TMPRSS13: variants seen among roughly 807,000 people sequenced by gnomAD.
TMPRSS13 encodes transmembrane protease serine 13.
A neutral mutation model predicts 68.4 loss-of-function variants in TMPRSS13; 50 were observed. The observed-to-expected ratio is 0.73, with a 90% CI of 0.58 to 0.93. The LOEUF (loss-of-function observed/expected upper bound fraction) is 0.93, where lower values mean the gene tolerates loss of function less well. Among genes scored for constraint, TMPRSS13 ranks in the 40% least tolerant of loss-of-function variants. TMPRSS13 has a pLI of 0.00. For synonymous variants in TMPRSS13, 267 were observed against 285.8 expected (o/e 0.93, Z 0.66); for missense variants, 615 against 729.2 (o/e 0.84, Z 1.80).
rs115478056 is a variant in TMPRSS13, at chr11:117,917,654, G to A, written c.452-380C>T. On this transcript the variant is annotated intron_variant, in intron 2 of 12. Transcript: ENST00000524993. ...AATCACTTGCCCAGGGTTACTTGGT[G>A]AGTTAGTGGCAGAGTAGGGATTCCA... 5.1e-3 allele frequency among the ~76,000 whole-genome samples: 780 copies of A among 152,302 alleles called. 5 individuals are homozygous for A. The highest frequency in any genetic ancestry group is 0.018 in the African/African-American group (753 of 41,556).
chr11:117,907,779 C>A, intron 9 of TMPRSS13: 3 of 984,230 alleles, frequency 3.0e-6, no homozygotes, highest in Non-Finnish European at 3.6e-6. Context: ...CCGAAAACAT[C>A]GTATAATTGG....
intron 12 of TMPRSS13, 33 bp downstream of exon 12, chr11:117,903,622 G>C: frequency 6.2e-7 from 1 of 1,613,800 alleles, no homozygotes; most frequent in Non-Finnish European, 8.5e-7. Context: ...TTCCCAGCCT[G>C]CTGGGTGCAG....
At chr11:117,909,054 A>G (rs1033122067) in intron 8 of TMPRSS13, among the ~76,000 whole-genome samples, 1 of 151,974 alleles carries the variant, frequency 6.6e-6, no homozygotes, top group South Asian at 2.1e-4. Flanking sequence ...CCCCCCCACT[A>G]TCTCCTCTGC....
intron 1 of TMPRSS13, among the ~76,000 whole-genome samples, chr11:117,924,158 A>G (rs1367497906): frequency 6.6e-6 from 1 of 151,854 alleles, no homozygotes; most frequent in East Asian, 1.9e-4. Context: ...AACCTAGGCA[A>G]CATAGCAAGA....
chr11:117,903,245 AAAAC>A, intron 12 of TMPRSS13: 3 of 1,316,290 alleles, frequency 2.3e-6, no homozygotes, highest in Non-Finnish European at 3.0e-6. Flanking sequence ...CAAAAAGACT[AAAAC>A]AAACAGAGCT....
chr11:117,902,387 AG>A, intron 12 of TMPRSS13, 122 bp from the exon 13 acceptor site: 1 of 1,054,842 alleles, frequency 9.5e-7, no homozygotes, highest in Non-Finnish European at 1.5e-6. Flanking sequence ...TGCCTCTCCA[AG>A]GAGGGAGAGC....
At chr11:117,904,571 C>G in intron 10 of TMPRSS13, among the ~76,000 whole-genome samples, 1 of 152,066 alleles carries the variant, frequency 6.6e-6, no homozygotes, top group East Asian at 1.9e-4. Context: ...GAGAAGTAGG[C>G]TGCACCCACA....
intron 9 of TMPRSS13, among the ~76,000 whole-genome samples, chr11:117,907,047 C>G (rs147192587): frequency 6.6e-6 from 1 of 151,954 alleles, no homozygotes; most frequent in Non-Finnish European, 1.5e-5. Flanking sequence ...GAAAAGCATA[C>G]GCAATGTGAG....
At chr11:117,908,847 G>A (rs2134884987) in intron 8 of TMPRSS13, 63 bp from the exon 9 acceptor site, 1 of 1,477,810 alleles carries the variant, frequency 6.8e-7, no homozygotes, top group Non-Finnish European at 9.1e-7. Context: ...GGCAGCCCCT[G>A]CTACCTACAG....
chr11:117,925,351 A>T (rs2057695168), intron 1 of TMPRSS13, among the ~76,000 whole-genome samples: 1 of 152,240 alleles, frequency 6.6e-6, no homozygotes, highest in African/African-American at 2.4e-5. Context: ...AAGCTCAAGG[A>T]ATCCCTGTTA....
chr11:117,916,118 C>A (rs1207493781), intron 3 of TMPRSS13, among the ~76,000 whole-genome samples: 1 of 152,188 alleles, frequency 6.6e-6, no homozygotes. Context: ...CTGGTCCACT[C>A]CACCCTTCAC....
chr11:117,914,010 G>A lies in TMPRSS13; in HGVS notation c.680-104C>T. On this transcript the variant is annotated intron_variant, in intron 4 of 12. Coordinates refer to ENST00000524993, the MANE Select transcript of TMPRSS13 (RefSeq NM_001077263.3). The surrounding 1 kb of genome is among the most constrained non-coding windows in gnomAD (Gnocchi z 4.2). ...CTTTGAGAAAGCGCTTGTCCTGACAGCACTCCTTGCTGAGGCCTGGGAAAA... is the reference window on the plus strand; with the variant it reads ...CTTTGAGAAAGCGCTTGTCCTGACAACACTCCTTGCTGAGGCCTGGGAAAA... The A allele has an allele frequency of 2.2e-6, 3 of 1,358,730 alleles. No individual in the cohort carries two copies. The highest frequency in any genetic ancestry group is 2.0e-6 in the Non-Finnish European group (2 of 992,120). 84.2% of individuals were successfully genotyped at this position (1,358,730 alleles called of 1,614,324 possible).
At chr11:117,923,976 C>T (rs1019479865) in intron 1 of TMPRSS13, among the ~76,000 whole-genome samples, 3 of 151,936 alleles carry the variant, frequency 2.0e-5, no homozygotes, top group Admixed American at 1.3e-4. Context: ...CCCTCCTCAG[C>T]CCTGGGCCAT....
chr11:117,902,817 C>T (rs1015792210), intron 12 of TMPRSS13, among the ~76,000 whole-genome samples: 3 of 152,106 alleles, frequency 2.0e-5, no homozygotes, highest in African/African-American at 7.2e-5. Flanking sequence ...GAGGATATTC[C>T]AGGCATTGTA....
chr11:117,918,496 C>T lies in TMPRSS13; in HGVS notation c.364G>A (p.Val122Ile). 1.2e-6 allele frequency: 2 copies of T among 1,614,230 alleles called. No individual in the cohort carries two copies. Among genetic ancestry groups the T allele is most frequent in the Non-Finnish European group, 1.7e-6 (2 of 1,180,030 alleles). ...VTTSPTRVYL[V>I]RATPVGAVPI... The stretch of plus-strand genomic sequence containing the variant: ...ACAGCCCCCACTGGTGTTGCTCTAA[C>T]AAGGTACACTCTGGTTGGGGAGGTT... Residue 122 changes from valine (V) to isoleucine (I), a missense_variant, in exon 2 of 13, where the codon GTT becomes ATT. Physicochemically the swap from Val to Ile is conservative, Grantham distance 29. Transcript: ENST00000524993.
At chr11:117,911,395 A>G (rs2057521938) in intron 6 of TMPRSS13, among the ~76,000 whole-genome samples, 1 of 152,088 alleles carries the variant, frequency 6.6e-6, no homozygotes, top group Admixed American at 6.5e-5. Context: ...GCATGTGCAA[A>G]GTGTCATGCC....
chr11:117,920,424 C>T lies in TMPRSS13; in HGVS notation c.22-1586G>A, dbSNP rs1037015832. 2.6e-5 allele frequency among the ~76,000 whole-genome samples: 4 copies of T among 151,740 alleles called. No homozygotes were observed. The South Asian group carries it at 8.3e-4, about 32-fold the overall frequency. On this transcript the variant is annotated intron_variant, in intron 1 of 12. Coordinates refer to ENST00000524993, the MANE Select transcript of TMPRSS13 (RefSeq NM_001077263.3). ...CATGATCTTGGCTCACTGAAACCTC[C>T]GCCTCCCAGGTTCAAGCTATTCTCC...
chr11:117,928,883 G>A (rs1187423446), intron 1 of TMPRSS13, among the ~76,000 whole-genome samples: 11 of 152,186 alleles, frequency 7.2e-5, no homozygotes, highest in Admixed American at 6.5e-4. Flanking sequence ...AGATGCCCCT[G>A]AATTGCAGTT....
intron 9 of TMPRSS13, 180 bp downstream of exon 9, chr11:117,908,432 C>G (rs1454097833): frequency 4.4e-6 from 3 of 681,116 alleles, no homozygotes; most frequent in Middle Eastern, 2.5e-4. Context: ...AACCCTTGGG[C>G]TTCAGTTTCC....
Sources: allele counts gnomAD v4.1 joint callset (sites outside exome capture counted in the v4.1 genomes callset), GRCh38; gene constraint gnomAD v4.1.1; non-coding constraint Gnocchi (gnomAD v3.1); transcripts MANE v1.5; gene names NCBI Gene and HGNC (gene_info 2026-07-23, HGNC 2026-07-21).